BMPER: variants seen among roughly 807,000 people sequenced by gnomAD.
BMPER encodes the protein BMP binding endothelial regulator.
Under a neutral mutation model 87.3 loss-of-function variants are expected in BMPER, and 45 were observed. That is an observed-to-expected ratio of 0.52 (90% confidence interval 0.41 to 0.66). The LOEUF is 0.66. Among genes scored for constraint, BMPER ranks in the 30% least tolerant of loss-of-function variants. The pLI is 0.00. For synonymous variants in BMPER, 326 were observed against 316.2 expected, an observed-to-expected ratio of 1.03 and a Z score of -0.33; for missense variants, 784 against 867.5, an observed-to-expected ratio of 0.90 and a Z score of 1.21.
chr7:33,988,869 G>T (rs1241754140), intron 6 of BMPER, among the ~76,000 whole-genome samples: 1 of 122,808 alleles, frequency 8.1e-6, no homozygotes, highest in Admixed American at 8.9e-5. Flanking sequence ...TGCGGTGTTT[G>T]GTTTTTTGTT....
Position 34,034,307 on chromosome 7 carries a change from T to C in BMPER, c.577-11999T>C, listed in dbSNP as rs541172981. Among the ~76,000 whole-genome samples the C allele has an allele frequency of 2.6e-5, 4 of 152,330 alleles. No homozygotes were observed. The South Asian group carries it at 8.3e-4, about 32-fold the overall frequency. ...TATGCCTTGTGGATTTGTGCTATAC[T>C]GCCAAATGCTGAGCATTGCTGACAT... On this transcript the variant is annotated intron_variant, in intron 6 of 14. Transcript: ENST00000649409.
At chr7:34,040,472 A>C (rs1787804119) in intron 6 of BMPER, among the ~76,000 whole-genome samples, 1 of 152,176 alleles carries the variant, frequency 6.6e-6, no homozygotes, top group South Asian at 2.1e-4. Flanking sequence ...AGCTTTAATA[A>C]AATACAGTTG....
intron 6 of BMPER, among the ~76,000 whole-genome samples, chr7:33,997,735 G>A (rs892959269): frequency 6.6e-6 from 1 of 152,218 alleles, no homozygotes; most frequent in Admixed American, 6.5e-5. Context: ...TGTCAGACAC[G>A]TTCTCACCTC....
chr7:34,107,769 A>G (rs528104382), intron 13 of BMPER, among the ~76,000 whole-genome samples: 2 of 152,172 alleles, frequency 1.3e-5, no homozygotes, highest in Non-Finnish European at 2.9e-5. Context: ...TTGGTGCTCT[A>G]TGTATTGGGT....
chr7:34,029,820 A>G (rs1392627093), intron 6 of BMPER, among the ~76,000 whole-genome samples: 1 of 152,064 alleles, frequency 6.6e-6, no homozygotes, highest in Non-Finnish European at 1.5e-5. Flanking sequence ...CATGGAAACC[A>G]CATGTCCCAC....
At chr7:33,999,389 T>A (rs1272315568) in intron 6 of BMPER, among the ~76,000 whole-genome samples, 1 of 152,252 alleles carries the variant, frequency 6.6e-6, no homozygotes, top group Non-Finnish European at 1.5e-5. Flanking sequence ...GTTCTCCCCA[T>A]AAAAATAATC....
rs66493349 is a variant in BMPER at position 34,119,014 on chromosome 7, T to TCTCACACACACACACACACA, written c.1746-24215_1746-24214insTCACACACACACACACACAC. ...CTCTCACTGTCTCTCTCTCTCTCTC[T>TCTCACACACACACACACACA]CACACACACACACACACACACACGC... is the stretch of plus-strand genomic sequence containing the variant. On this transcript the variant is annotated intron_variant, in intron 13 of 14. Transcript: ENST00000649409. Among the ~76,000 whole-genome samples, 236 of 135,762 alleles carry TCTCACACACACACACACACA rather than the reference T, an allele frequency of 1.7e-3. 2 individuals are homozygous for TCTCACACACACACACACACA. Among genetic ancestry groups the TCTCACACACACACACACACA allele is most frequent in the Middle Eastern group, 3.6e-3 (1 of 276 alleles). 89.1% of individuals were successfully genotyped at this position (135,762 alleles called of 152,430 possible).
intron 13 of BMPER, among the ~76,000 whole-genome samples, chr7:34,120,625 C>T (rs528850948): frequency 3.9e-5 from 6 of 152,198 alleles, no homozygotes; most frequent in Admixed American, 3.3e-4. Flanking sequence ...CTCGAATTCC[C>T]GACCTCAAAT....
intron 6 of BMPER, among the ~76,000 whole-genome samples, chr7:34,024,441 G>A (rs1190934227): frequency 1.5e-5 from 1 of 65,786 alleles, no homozygotes; most frequent in Non-Finnish European, 2.5e-5. Flanking sequence ...ATATGTTGGG[G>A]AGGGGTATGG....
Position 33,946,091 on chromosome 7 carries a change from C to G in BMPER, c.319+8703C>G, listed in dbSNP as rs534754658. Among the ~76,000 whole-genome samples the G allele has an allele frequency of 1.5e-4, 23 of 152,252 alleles. No homozygotes were observed. In the Middle Eastern group the frequency reaches 0.014, roughly 90 times the overall value. On this transcript the variant is annotated intron_variant, in intron 3 of 14. Coordinates refer to ENST00000649409, the MANE Select transcript of BMPER (RefSeq NM_001365308.1). Reference sequence around the variant, plus strand: ...AGTTGATTCAACATGGCTAGGGAGGCCTCAGGAAAAGTACAATCATGGCAG... The same window carrying G: ...AGTTGATTCAACATGGCTAGGGAGGGCTCAGGAAAAGTACAATCATGGCAG...
intron 3 of BMPER, among the ~76,000 whole-genome samples, chr7:33,939,724 C>T (rs529590285): frequency 1.7e-4 from 26 of 152,276 alleles, no homozygotes; most frequent in African/African-American, 5.5e-4. Context: ...AAGAAGGTGC[C>T]TTGCTTCCCC....
chr7:34,067,591 A>G (rs1788626610), intron 11 of BMPER, among the ~76,000 whole-genome samples: 3 of 152,090 alleles, frequency 2.0e-5, no homozygotes, highest in South Asian at 2.1e-4. Flanking sequence ...AGAGCTCAAG[A>G]TGCTTGTAGA....
At chr7:33,995,031 T>G (rs558457451) in intron 6 of BMPER, among the ~76,000 whole-genome samples, 71 of 152,346 alleles carry the variant, frequency 4.7e-4, no homozygotes, top group African/African-American at 1.6e-3. Flanking sequence ...TCTTAAAATT[T>G]ACTTTTGAAT....
chr7:34,075,886 A>T (rs896584317), intron 11 of BMPER, among the ~76,000 whole-genome samples: 5 of 152,216 alleles, frequency 3.3e-5, no homozygotes, highest in African/African-American at 1.2e-4. Flanking sequence ...CGCCTGCAGG[A>T]TCTGGCATAG....
rs1787551315 is a variant in BMPER at position 34,032,356 on chromosome 7, A to G, written c.577-13950A>G. Among the ~76,000 whole-genome samples the G allele has an allele frequency of 2.0e-5, 3 of 152,184 alleles. No individual in the cohort carries two copies. In the South Asian group the frequency reaches 6.2e-4, roughly 32 times the overall value. On this transcript the variant is annotated intron_variant, in intron 6 of 14. Coordinates refer to ENST00000649409, the MANE Select transcript of BMPER (RefSeq NM_001365308.1). ...CATAGATCTTCTCGTGTCATCAGGA[A>G]GTAGGGTTTCCATAACATTTTAAAG... is the stretch of plus-strand genomic sequence containing the variant.
intron 13 of BMPER, among the ~76,000 whole-genome samples, chr7:34,091,492 G>A (rs374464480): frequency 8.5e-5 from 13 of 152,156 alleles, no homozygotes; most frequent in African/African-American, 1.4e-4. Flanking sequence ...CACTGAGTTC[G>A]TAATTAAGGT....
At position 33,985,390 on chromosome 7, in the gene BMPER, A is replaced by G. The variant is rs183213443; in HGVS notation, c.576+10606A>G. 3.2e-3 allele frequency among the ~76,000 whole-genome samples: 483 copies of G among 152,350 alleles called. 2 individuals are homozygous for G. Among genetic ancestry groups the G allele is most frequent in the African/African-American group, 0.011 (448 of 41,582 alleles). On this transcript the variant is annotated intron_variant, in intron 6 of 14. Coordinates refer to ENST00000649409, the MANE Select transcript of BMPER (RefSeq NM_001365308.1). The stretch of plus-strand genomic sequence containing the variant: ...AGCTACATAATATTTCCATAAAACC[A>G]TAATTTCATCATTTTCAGTTGTTAA...
At chr7:34,030,162 G>A (rs565098188) in intron 6 of BMPER, among the ~76,000 whole-genome samples, 5 of 151,956 alleles carry the variant, frequency 3.3e-5, no homozygotes, top group Non-Finnish European at 7.4e-5. Context: ...TATATAGGTG[G>A]GAAGACAAAG....
rs145904668 is a variant in BMPER, at chr7:33,911,147, C to G, written c.219+4244C>G. Among the ~76,000 whole-genome samples the G allele has an allele frequency of 2.2e-3, 341 of 152,282 alleles. 1 individual carries two copies. Among genetic ancestry groups the G allele is most frequent in the African/African-American group, 7.7e-3 (320 of 41,560 alleles). On this transcript the variant is annotated intron_variant, in intron 2 of 14. Coordinates refer to ENST00000649409, the MANE Select transcript of BMPER (RefSeq NM_001365308.1). Reference sequence around the variant, plus strand: ...TTTGGATGCTCACTAAGGAAGCAATCAGATTTATTTATTTTTACTCTGTTT... The same window carrying G: ...TTTGGATGCTCACTAAGGAAGCAATGAGATTTATTTATTTTTACTCTGTTT...
Sources: gnomAD v4.1 joint callset for allele counts (sites outside exome capture counted in the v4.1 genomes callset) on GRCh38, gnomAD v4.1.1 for gene constraint, MANE v1.5 for transcripts, NCBI Gene and HGNC (gene_info 2026-07-23, HGNC 2026-07-21) for gene names.